Variants in TNS1 observed in about 807,000 individuals in gnomAD.
TNS1 encodes the protein tensin 1, also known as tensin-1.
Under a neutral mutation model 168.6 loss-of-function variants are expected in TNS1, and 62 were observed. That is an observed-to-expected ratio of 0.37 (90% CI 0.30 to 0.45). TNS1 has a LOEUF of 0.45. TNS1 is among the 20% of genes least tolerant of loss of function. TNS1 has a pLI of 1.00. For synonymous variants in TNS1, 934 were observed against 933.2 expected, an observed-to-expected ratio of 1.00 and a Z score of -0.02; for missense variants, 2,240 against 2,339.4, an observed-to-expected ratio of 0.96 and a Z score of 0.88.
intron 1 of TNS1, among the ~76,000 whole-genome samples, chr2:218,025,457 C>T (rs1192531889): frequency 1.3e-5 from 2 of 152,084 alleles, no homozygotes; most frequent in African/African-American, 2.4e-5. Flanking sequence ...ACCATCCTGG[C>T]CAGGCTGGTC....
Position 217,813,905 on chromosome 2 carries a change from G to A in TNS1, c.4730-89C>T, listed in dbSNP as rs927993699. 1.1e-5 allele frequency: 15 copies of A among 1,414,042 alleles called. No individual in the cohort carries two copies. The Admixed American group carries it at 2.7e-4, about 26-fold the overall frequency. 87.6% of individuals were successfully genotyped at this position (1,414,042 alleles called of 1,614,324 possible). A position where few individuals can be genotyped will look rare whatever the true frequency, so the allele number is the denominator to read the frequency against. On this transcript the variant is annotated intron_variant, in intron 25 of 32. Coordinates refer to ENST00000682258, the MANE Select transcript of TNS1 (RefSeq NM_001387777.1). The surrounding 1 kb of genome is among the most constrained non-coding windows in gnomAD (Gnocchi z 4.0). ...AGTCTCATTGAGCCTACCGACCTTC[G>A]TTCTTTCTTAGGTGAGACAAATTTT... is the stretch of plus-strand genomic sequence containing the variant.
chr2:218,016,821 C>T (rs1288393789), intron 1 of TNS1, among the ~76,000 whole-genome samples: 1 of 152,030 alleles, frequency 6.6e-6, no homozygotes, highest in Non-Finnish European at 1.5e-5. Flanking sequence ...AGAAAACAAG[C>T]AAAGCAGCAG....
chr2:217,891,142 G>A, intron 11 of TNS1, 97 bp from the exon 12 acceptor site: 2 of 1,160,630 alleles, frequency 1.7e-6, no homozygotes, highest in East Asian at 2.4e-5. Flanking sequence ...AGAGCACTCT[G>A]GCCAAAGAGC....
intron 3 of TNS1, among the ~76,000 whole-genome samples, chr2:217,927,242 G>T (rs566928897): frequency 6.6e-6 from 1 of 152,248 alleles, no homozygotes; most frequent in Non-Finnish European, 1.5e-5. Context: ...AGGTGGGAAT[G>T]CTTGGCGTGT....
intron 18 of TNS1, chr2:217,859,763 C>T (rs1390880135): frequency 1.5e-6 from 2 of 1,308,896 alleles, no homozygotes; most frequent in African/African-American, 2.9e-5. Context: ...CACCCTCGTT[C>T]CCAACCACCC....
chr2:217,839,842 G>A (rs1280507624), intron 19 of TNS1, among the ~76,000 whole-genome samples: 1 of 152,174 alleles, frequency 6.6e-6, no homozygotes, highest in East Asian at 1.9e-4. Context: ...AGCATGCCTG[G>A]GGCTCCAGAA....
intron 18 of TNS1, among the ~76,000 whole-genome samples, chr2:217,877,594 G>A (rs1257907746): frequency 2.6e-5 from 4 of 152,230 alleles, no homozygotes; most frequent in Non-Finnish European, 5.9e-5. Flanking sequence ...AGCCTTCAGA[G>A]AACAGAAATT....
At chr2:217,924,174 G>A (rs1391850045) in intron 3 of TNS1, among the ~76,000 whole-genome samples, 1 of 152,152 alleles carries the variant, frequency 6.6e-6, no homozygotes, top group Non-Finnish European at 1.5e-5. Flanking sequence ...GAGCCTGTGA[G>A]TACACAGTTC....
chr2:217,970,503 C>T (rs1194785183), intron 3 of TNS1, among the ~76,000 whole-genome samples: 1 of 152,118 alleles, frequency 6.6e-6, no homozygotes, highest in East Asian at 1.9e-4. Flanking sequence ...ACCCAAATGT[C>T]CACCAACTGA....
At chr2:217,805,767 C>T (rs1938868629) in intron 32 of TNS1, among the ~76,000 whole-genome samples, 1 of 150,192 alleles carries the variant, frequency 6.7e-6, no homozygotes, top group South Asian at 2.1e-4. Context: ...ACACCACACA[C>T]CACCACACAC....
upstream of TNS1, among the ~76,000 whole-genome samples, chr2:218,007,710 G>T (rs899648330): frequency 6.6e-6 from 1 of 152,030 alleles, no homozygotes; most frequent in Admixed American, 6.5e-5. Flanking sequence ...TGCAGTCAGG[G>T]TCTGTCCCCT....
Position 217,880,844 on chromosome 2 carries a change from G to A in TNS1, c.1429+54C>T, listed in dbSNP as rs569559011. The A allele has an allele frequency of 8.1e-6, 11 of 1,358,426 alleles. No individual in the cohort carries two copies. The highest frequency in any genetic ancestry group is 3.5e-5 in the South Asian group (3 of 85,602). The allele number at this position is 1,358,426 out of a possible 1,614,324, so 84.1% of individuals were successfully genotyped here. ...CAGGCCAAGAGAAGCAAGGTCATGT[G>A]AGCAGAGGCTGTGCAGTTTGGATAG... On this transcript the variant is annotated intron_variant, in intron 18 of 32. Transcript: ENST00000682258. The surrounding 1 kb of genome is among the most constrained non-coding windows in gnomAD (Gnocchi z 4.2).
chr2:218,033,469 C>T lies in TNS1; in HGVS notation c.156+351G>A, dbSNP rs1299711097. Reference sequence around the variant, plus strand: ...CTGCCAGAGCTGCCCCTTGGTCCAGCTCGAGGAAGATTAACTCTTTCCCTA... The same window carrying T: ...CTGCCAGAGCTGCCCCTTGGTCCAGTTCGAGGAAGATTAACTCTTTCCCTA... On this transcript the variant is annotated intron_variant, in intron 1 of 1. Transcript: ENST00000649572. The surrounding 1 kb of genome is among the most constrained non-coding windows in gnomAD (Gnocchi z 4.3). Among the ~76,000 whole-genome samples, 1 of 152,020 alleles carries T rather than the reference C, an allele frequency of 6.6e-6. No individual in the cohort carries two copies. Among genetic ancestry groups the T allele is most frequent in the African/African-American group, 2.4e-5 (1 of 41,370 alleles).
intron 22 of TNS1, chr2:217,829,976 GAA>G: frequency 5.1e-6 from 8 of 1,556,346 alleles, no homozygotes; most frequent in Non-Finnish European, 6.9e-6. Context: ...GAAAAAGAGA[GAA>G]AGAGATTAAC....
intron 10 of TNS1, 35 bp downstream of exon 10, chr2:217,893,398 GCGCACA>G (rs1559314021): frequency 3.3e-6 from 5 of 1,495,202 alleles, no homozygotes; most frequent in African/African-American, 1.8e-5. Flanking sequence ...ATGTGCGCGC[GCGCACA>G]CACACACACA....
At position 217,948,967 on chromosome 2, in the gene TNS1, G is replaced by T. The variant is rs1472038511; in HGVS notation, c.187-28731C>A. The stretch of plus-strand genomic sequence containing the variant: ...TTTGTACCATAGTGTCAGGGCAGAG[G>T]ATGGAAAGGGAAGGAGAGTCGGGGG... On this transcript the variant is annotated intron_variant, in intron 3 of 32. Transcript: ENST00000682258. The surrounding 1 kb of genome is among the most constrained non-coding windows in gnomAD (Gnocchi z 4.1). 6.6e-6 allele frequency among the ~76,000 whole-genome samples: 1 copy of T among 152,158 alleles called. No homozygotes were observed.
chr2:217,905,333 C>G (rs762125698), intron 6 of TNS1: 8 of 439,070 alleles, frequency 1.8e-5, no homozygotes, highest in Admixed American at 2.5e-5. Flanking sequence ...AAGAGGCATG[C>G]TCCCTGCTCC....
chr2:217,841,093 G>A (rs1559210698), intron 19 of TNS1: 1 of 400,220 alleles, frequency 2.5e-6, no homozygotes, highest in Non-Finnish European at 3.4e-6. Flanking sequence ...AAGAAGGTGG[G>A]AAAGATTTGG....
intron 7 of TNS1, 61 bp downstream of exon 7, chr2:217,900,402 G>C (rs1484165391): frequency 8.6e-6 from 13 of 1,516,398 alleles, no homozygotes; most frequent in Non-Finnish European, 1.1e-5. Context: ...ACTTAACAGG[G>C]ACACCCACAG....
Sources: allele counts gnomAD v4.1 joint callset (sites outside exome capture counted in the v4.1 genomes callset), GRCh38; gene constraint gnomAD v4.1.1; non-coding constraint Gnocchi (gnomAD v3.1); transcripts MANE v1.5; gene names NCBI Gene and HGNC (gene_info 2026-07-23, HGNC 2026-07-21).